The following PNMA2 variants were observed in gnomAD, a reference collection of about 807,000 sequenced individuals.
PNMA2 encodes the protein PNMA family member 2.
For missense variants in PNMA2, 455 were observed against 452.9 expected (o/e 1.00, Z -0.04); for synonymous variants, 175 against 183.5 (o/e 0.95, Z 0.38).
intron 1 of PNMA2, among the ~76,000 whole-genome samples, chr8:26,510,256 A>G (rs929510055): frequency 6.6e-6 from 1 of 152,130 alleles, no homozygotes; most frequent in African/African-American, 2.4e-5. Context: ...GCTTTCTGCT[A>G]TGACTGGAAG....
chr8:26,508,016 C>A lies in PNMA2; in HGVS notation c.740G>T (p.Arg247Leu), dbSNP rs547951989. 5 of 1,614,146 alleles carry A rather than the reference C, an allele frequency of 3.1e-6. No homozygotes were observed. Among genetic ancestry groups the A allele is most frequent in the African/African-American group, 1.3e-5 (1 of 74,950 alleles). ...CAGATACCTCACCTGGGCTGTCCTG[C>A]GGCTCTCTAGGCTCCCAAACACTTG... ...FKQVFGSLES[R>L]RTAQVRYLKT... Residue 247 changes from arginine to leucine, a missense_variant, in exon 3 of 3, where the codon CGC (arginine) becomes CTC (leucine). Coordinates refer to ENST00000522362, the MANE Select transcript of PNMA2 (RefSeq NM_007257.6). This position sits in a 1 kb window ranked among gnomAD's most constrained non-coding sequence, Gnocchi z 5.5.
In PNMA2 at chr8:26,508,813, T is replaced by C; in HGVS notation, c.-58A>G. 2 of 1,545,616 alleles carry C rather than the reference T, an allele frequency of 1.3e-6. No homozygotes were observed. The highest frequency in any genetic ancestry group is 2.6e-5 in the South Asian group (2 of 77,826). Reference sequence around the variant, plus strand: ...GGCACCAATTTGTTAGTGGTGCAGCTATGCACTGACTTAATATTGAAAATA... The same window carrying C: ...GGCACCAATTTGTTAGTGGTGCAGCCATGCACTGACTTAATATTGAAAATA... On this transcript the variant is annotated 5_prime_UTR_variant, in exon 3 of 3. In the 5' UTR this introduces an upstream ATG that the reference lacks. Coordinates refer to ENST00000522362, the MANE Select transcript of PNMA2 (RefSeq NM_007257.6). The surrounding 1 kb of genome is among the most constrained non-coding windows in gnomAD (Gnocchi z 5.5).
chr8:26,510,438 C>T (rs1808129378), intron 1 of PNMA2, among the ~76,000 whole-genome samples: 2 of 152,156 alleles, frequency 1.3e-5, no homozygotes, highest in Admixed American at 1.3e-4. Context: ...ACTCTCCAAG[C>T]ATTTGTTTCT....
At position 26,507,942 on chromosome 8, in the gene PNMA2, GCCGTAA is replaced by G; in HGVS notation, c.808_813del (p.Arg271_Leu272del). 6.2e-7 allele frequency: 1 copy of G among 1,614,144 alleles called. No individual in the cohort carries two copies. The highest frequency in any genetic ancestry group is 8.5e-7 in the Non-Finnish European group (1 of 1,180,050). On this transcript the variant is annotated inframe_deletion, in exon 3 of 3. Transcript: ENST00000522362. ...ACCGCTCTCCGGAGCAGGGTTTCTA[GCCGTAA>G]CACATAGGCTGAGACCTTCTCTCCT...
chr8:26,510,697 G>C (rs1176598290), intron 1 of PNMA2, among the ~76,000 whole-genome samples: 1 of 152,074 alleles, frequency 6.6e-6, no homozygotes, highest in African/African-American at 2.4e-5. Context: ...CAATCCTCCC[G>C]CCACAGCCTC....
chr8:26,508,061 T>G lies in PNMA2; in HGVS notation c.695A>C (p.Glu232Ala). 1 of 1,614,166 alleles carries G rather than the reference T, an allele frequency of 6.2e-7. No homozygotes were observed. Among genetic ancestry groups the G allele is most frequent in the Non-Finnish European group, 8.5e-7 (1 of 1,180,034 alleles). Reference sequence around the variant, plus strand: ...CACTTGCTTAAAGGCCTCCAAACACTCTTCTACACTGATGGACGGGTTGTC... The same window carrying G: ...CACTTGCTTAAAGGCCTCCAAACACGCTTCTACACTGATGGACGGGTTGTC... ...QADNPSISVE[E>A]CLEAFKQVFG... The change falls in exon 3 of 3, where the codon GAG becomes GCG. Residue 232 changes from glutamate to alanine, a missense_variant. Coordinates refer to ENST00000522362, the MANE Select transcript of PNMA2 (RefSeq NM_007257.6). The surrounding 1 kb of genome is among the most constrained non-coding windows in gnomAD (Gnocchi z 5.5).
At position 26,508,093 on chromosome 8, in the gene PNMA2, C is replaced by G. The variant is rs1463275757; in HGVS notation, c.663G>C (p.Val221=). Residue 221 remains valine (V), a synonymous_variant, in exon 3 of 3, where the codon GTG becomes GTC. Coordinates refer to ENST00000522362, the MANE Select transcript of PNMA2 (RefSeq NM_007257.6). The surrounding 1 kb of genome is among the most constrained non-coding windows in gnomAD (Gnocchi z 5.5). ...CACTGATGGACGGGTTGTCTGCCTGCACTATGTGCATGAGGTCCAGGGCAG... is the reference window on the plus strand; with the variant it reads ...CACTGATGGACGGGTTGTCTGCCTGGACTATGTGCATGAGGTCCAGGGCAG... ...RGPALDLMHI[V]QADNPSISVE... is the part of the protein sequence containing the mutation. 6.2e-7 allele frequency: 1 copy of G among 1,614,252 alleles called. No homozygotes were observed. The highest frequency in any genetic ancestry group is 1.1e-5 in the South Asian group (1 of 91,086).
chr8:26,512,307 A>G (rs1808173807), intron 1 of PNMA2, among the ~76,000 whole-genome samples: 1 of 152,204 alleles, frequency 6.6e-6, no homozygotes, highest in Admixed American at 6.5e-5. Flanking sequence ...TTCAAATGCA[A>G]AGCACATCTG....
At position 26,507,842 on chromosome 8, in the gene PNMA2, T is replaced by G; in HGVS notation, c.914A>C (p.Asn305Thr). 6.2e-7 allele frequency: 1 copy of G among 1,614,014 alleles called. No individual in the cohort carries two copies. Among genetic ancestry groups the G allele is most frequent in the Non-Finnish European group, 8.5e-7 (1 of 1,179,936 alleles). The stretch of plus-strand genomic sequence containing the variant: ...CCTAAGCCGGCACCACAGCATCTGG[T>G]TAAGAGTGGCCCCAGCCATGACCTG... Reference protein sequence around the residue: ...LEQVMAGATLNQMLWCRLREL... With the variant: ...LEQVMAGATLTQMLWCRLREL... The change falls in exon 3 of 3, where the codon AAC (asparagine) becomes ACC (threonine). Residue 305 changes from asparagine to threonine, a missense_variant. Asn to Thr is a moderately conservative substitution (Grantham distance 65, BLOSUM62 0). Transcript: ENST00000522362.
rs1808059233 is a variant in PNMA2 at position 26,507,300 on chromosome 8, C to T, written c.*361G>A. 1.8e-5 allele frequency: 3 copies of T among 170,670 alleles called. No individual in the cohort carries two copies. Among genetic ancestry groups the T allele is most frequent in the South Asian group, 3.8e-4 (2 of 5,200 alleles). The allele number at this position is 170,670 out of a possible 1,614,324, so 10.6% of individuals were successfully genotyped here. A position where few individuals can be genotyped will look rare whatever the true frequency, so the allele number is the denominator to read the frequency against. On this transcript the variant is annotated 3_prime_UTR_variant, in exon 3 of 3. Coordinates refer to ENST00000522362, the MANE Select transcript of PNMA2 (RefSeq NM_007257.6). ...AAAAGAATAGCTAGGCATGGTGGTG[C>T]GTGCCTGTAGTCCCAGGTACTTGGG...
chr8:26,505,368 C>A lies in PNMA2; in HGVS notation c.*2293G>T. The A allele has an allele frequency of 6.2e-6, 1 of 162,494 alleles. No homozygotes were observed. Among genetic ancestry groups the A allele is most frequent in the Non-Finnish European group, 1.4e-5 (1 of 71,648 alleles). The allele number at this position is 162,494 out of a possible 1,614,324, so 10.1% of individuals were successfully genotyped here. A position where few individuals can be genotyped will look rare whatever the true frequency, so the allele number is the denominator to read the frequency against. ...GCTTACAGTATGCACAAATCTACCA[C>A]AAGACTACACATCAACTGTGTTGGA... is the stretch of plus-strand genomic sequence containing the variant. On this transcript the variant is annotated 3_prime_UTR_variant, in exon 3 of 3. Transcript: ENST00000522362.
chr8:26,510,238 C>T (rs898086836), intron 1 of PNMA2, among the ~76,000 whole-genome samples: 1 of 152,212 alleles, frequency 6.6e-6, no homozygotes, highest in African/African-American at 2.4e-5. Flanking sequence ...CGCATCTGCT[C>T]CCTCTTTGCT....
Position 26,507,317 on chromosome 8 carries a change from G to GT in PNMA2, c.*343dup, listed in dbSNP as rs1808059553. 5.4e-6 allele frequency: 1 copy of GT among 186,656 alleles called. No individual in the cohort carries two copies. The highest frequency in any genetic ancestry group is 2.3e-5 in the African/African-American group (1 of 42,672). The allele number at this position is 186,656 out of a possible 1,614,324, so 11.6% of individuals were successfully genotyped here. On this transcript the variant is annotated 3_prime_UTR_variant, in exon 3 of 3. Transcript: ENST00000522362. Reference sequence around the variant, plus strand: ...TGGTGGTGCGTGCCTGTAGTCCCAGGTACTTGGGAGGCTAAGGTGTGAGGA... The same window carrying GT: ...TGGTGGTGCGTGCCTGTAGTCCCAGGTTACTTGGGAGGCTAAGGTGTGAGGA...
Position 26,508,063 on chromosome 8 carries a change from T to G in PNMA2, c.693A>C (p.Glu231Asp), listed in dbSNP as rs749049363. 17 of 1,614,230 alleles carry G rather than the reference T, an allele frequency of 1.1e-5. No individual in the cohort carries two copies. The highest frequency in any genetic ancestry group is 2.2e-5 in the East Asian group (1 of 44,880). Reference protein sequence around the residue: ...VQADNPSISVEECLEAFKQVF... With the variant: ...VQADNPSISVDECLEAFKQVF... ...CTTGCTTAAAGGCCTCCAAACACTCTTCTACACTGATGGACGGGTTGTCTG... is the reference window on the plus strand; with the variant it reads ...CTTGCTTAAAGGCCTCCAAACACTCGTCTACACTGATGGACGGGTTGTCTG... The change falls in exon 3 of 3, where the codon GAA becomes GAC. Residue 231 changes from glutamate (E) to aspartate (D), a missense_variant. By Grantham distance (45) the Glu-to-Asp change is conservative. Transcript: ENST00000522362. The surrounding 1 kb of genome is among the most constrained non-coding windows in gnomAD (Gnocchi z 5.5).
rs1563367584 is a variant in PNMA2, at chr8:26,507,510, G to A, written c.*151C>T. 1.6e-6 allele frequency: 1 copy of A among 615,586 alleles called. No individual in the cohort carries two copies. The highest frequency in any genetic ancestry group is 2.7e-6 in the Non-Finnish European group (1 of 366,560). 38.1% of individuals were successfully genotyped at this position (615,586 alleles called of 1,614,324 possible). On this transcript the variant is annotated 3_prime_UTR_variant, in exon 3 of 3. Transcript: ENST00000522362. ...GAGGAGAGGAGAGGAGAGAGGAGGA[G>A]AGAAGGAGAGAAGGAGGAAGGGAGG...
Position 26,507,855 on chromosome 8 carries a change from C to G in PNMA2, c.901G>C (p.Gly301Arg). 1 of 1,614,054 alleles carries G rather than the reference C, an allele frequency of 6.2e-7. No homozygotes were observed. Among genetic ancestry groups the G allele is most frequent in the Non-Finnish European group, 8.5e-7 (1 of 1,179,944 alleles). Residue 301 changes from glycine (G) to arginine (R), a missense_variant, in exon 3 of 3, where the codon GGG becomes CGG. Gly to Arg is a moderately radical substitution (Grantham distance 125). Transcript: ENST00000522362. Reference sequence around the variant, plus strand: ...CACAGCATCTGGTTAAGAGTGGCCCCAGCCATGACCTGCTCCAGGCGGACC... The same window carrying G: ...CACAGCATCTGGTTAAGAGTGGCCCGAGCCATGACCTGCTCCAGGCGGACC... Reference protein sequence around the residue: ...DQVRLEQVMAGATLNQMLWCR... With the variant: ...DQVRLEQVMARATLNQMLWCR...
chr8:26,511,045 G>C (rs906298065), intron 1 of PNMA2, among the ~76,000 whole-genome samples: 2 of 151,890 alleles, frequency 1.3e-5, no homozygotes, highest in African/African-American at 4.8e-5. Context: ...CCAGCTACTT[G>C]GGAGGCTGAG....
At position 26,507,595 on chromosome 8, in the gene PNMA2, C is replaced by T. The variant is rs1808064083; in HGVS notation, c.*66G>A. 11 of 1,447,918 alleles carry T rather than the reference C, an allele frequency of 7.6e-6. No homozygotes were observed. The Middle Eastern group carries it at 5.7e-4, about 75-fold the overall frequency. 89.7% of individuals were successfully genotyped at this position (1,447,918 alleles called of 1,614,324 possible). Reference sequence around the variant, plus strand: ...TTCATGGTTTGATTTCAGTCCCATACATTAAAGAAAAAAATTTTTTAAAGG... The same window carrying T: ...TTCATGGTTTGATTTCAGTCCCATATATTAAAGAAAAAAATTTTTTAAAGG... On this transcript the variant is annotated 3_prime_UTR_variant, in exon 3 of 3. Transcript: ENST00000522362.
In PNMA2 at chr8:26,507,553, A is replaced by G; in HGVS notation, c.*108T>C. On this transcript the variant is annotated 3_prime_UTR_variant, in exon 3 of 3. Transcript: ENST00000522362. ...AAGGGAGGGAAGGAAGGAAGGAAGG[A>G]AGGTCAATAATTGGCTTTCATGGTT... 1.1e-6 allele frequency: 1 copy of G among 913,114 alleles called. No homozygotes were observed. The allele number at this position is 913,114 out of a possible 1,614,324, so 56.6% of individuals were successfully genotyped here.
Sources: allele counts gnomAD v4.1 joint callset (sites outside exome capture counted in the v4.1 genomes callset), GRCh38; gene constraint gnomAD v4.1.1; non-coding constraint Gnocchi (gnomAD v3.1); transcripts MANE v1.5; gene names NCBI Gene and HGNC (gene_info 2026-07-23, HGNC 2026-07-21).